UCK2: variants seen among roughly 807,000 people sequenced by gnomAD.
The protein encoded by UCK2 is uridine-cytidine kinase 2, also known as cytidine monophosphokinase 2.
A neutral mutation model predicts 30.8 loss-of-function variants in UCK2; 6 were observed. That is an observed-to-expected ratio of 0.19 (90% CI 0.11 to 0.38). The LOEUF (loss-of-function observed/expected upper bound fraction) is 0.38. Ranked by LOEUF, UCK2 falls within the 10% of genes least tolerant of loss-of-function variation. The pLI is 1.00. For missense variants in UCK2, 210 were observed against 339.8 expected, an observed-to-expected ratio of 0.62 and a Z score of 3.00; for synonymous variants, 125 against 133.6, an observed-to-expected ratio of 0.94 and a Z score of 0.45.
intron 1 of UCK2, among the ~76,000 whole-genome samples, chr1:165,848,656 A>C (rs533333095): frequency 7.3e-5 from 11 of 151,154 alleles, no homozygotes; most frequent in African/African-American, 2.7e-4. Context: ...ACACACACAC[A>C]CACCCACACA....
At chr1:165,896,681 C>T (rs1647270660) in intron 4 of UCK2, among the ~76,000 whole-genome samples, 1 of 152,194 alleles carries the variant, frequency 6.6e-6, no homozygotes, top group Non-Finnish European at 1.5e-5. Context: ...AATGAAGATG[C>T]TCTGATTTGG....
In UCK2 at chr1:165,874,153, G is replaced by A. The variant is rs572764486; in HGVS notation, c.100-16051G>A. ...TTATTTTAAAAACAAAAGAGACAGG[G>A]GTAGATGGGAACTTGATGCTGCCCT... On this transcript the variant is annotated intron_variant, in intron 1 of 6. Transcript: ENST00000367879. 6.6e-5 allele frequency among the ~76,000 whole-genome samples: 10 copies of A among 152,222 alleles called. No homozygotes were observed. In the South Asian group the frequency reaches 1.5e-3, roughly 22 times the overall value.
intron 4 of UCK2, among the ~76,000 whole-genome samples, chr1:165,901,796 C>A (rs1647475908): frequency 6.6e-6 from 1 of 152,082 alleles, no homozygotes; most frequent in Non-Finnish European, 1.5e-5. Context: ...GGTGATCAGT[C>A]TTCTTTCTAT....
intron 1 of UCK2, among the ~76,000 whole-genome samples, chr1:165,860,988 T>C (rs890723139): frequency 3.3e-5 from 5 of 152,054 alleles, no homozygotes; most frequent in Non-Finnish European, 7.4e-5. Context: ...TTAGACTGGG[T>C]AATTTATAAA....
chr1:165,876,469 A>G (rs1655339898), intron 1 of UCK2, among the ~76,000 whole-genome samples: 1 of 152,238 alleles, frequency 6.6e-6, no homozygotes, highest in African/African-American at 2.4e-5. Flanking sequence ...AGAAAACACC[A>G]GGAAAAATTC....
intron 1 of UCK2, among the ~76,000 whole-genome samples, chr1:165,848,660 CCACA>C (rs71583906): frequency 1.4e-5 from 2 of 147,888 alleles, no homozygotes; most frequent in African/African-American, 5.0e-5. Context: ...ACACACACAC[CCACA>C]CACACACACA....
At chr1:165,838,113 C>T in intron 1 of UCK2, among the ~76,000 whole-genome samples, 1 of 152,228 alleles carries the variant, frequency 6.6e-6, no homozygotes. Context: ...GCCTTCACAA[C>T]ATATCTGCAG....
rs149512076 is a variant in UCK2 at position 165,878,716 on chromosome 1, C to G, written c.100-11488C>G. The stretch of plus-strand genomic sequence containing the variant: ...GTACCACAGTTTATTCATTCACCTA[C>G]TTTAGTACATCTTGGTTGCTTGCTT... On this transcript the variant is annotated intron_variant, in intron 1 of 6. Coordinates refer to ENST00000367879, the MANE Select transcript of UCK2 (RefSeq NM_012474.5). Among the ~76,000 whole-genome samples the G allele has an allele frequency of 1.8e-3, 274 of 152,328 alleles. 1 individual carries two copies. The highest frequency in any genetic ancestry group is 6.3e-3 in the African/African-American group (262 of 41,566).
chr1:165,861,061 A>AT (rs1265538963), intron 1 of UCK2, among the ~76,000 whole-genome samples: 2 of 152,156 alleles, frequency 1.3e-5, no homozygotes, highest in Non-Finnish European at 2.9e-5. Context: ...GCACCAGTAG[A>AT]TTCAGTGTCT....
chr1:165,836,020 G>A (rs1056025751), intron 1 of UCK2, among the ~76,000 whole-genome samples: 18 of 152,186 alleles, frequency 1.2e-4, no homozygotes, highest in Non-Finnish European at 2.5e-4. Context: ...CCTAAGGTCA[G>A]GAGTTCAAGA....
At chr1:165,903,337 A>G in intron 5 of UCK2, 58 bp downstream of exon 5, 1 of 1,513,228 alleles carries the variant, frequency 6.6e-7, no homozygotes, top group Non-Finnish European at 9.1e-7. Flanking sequence ...TTGATGATAT[A>G]AACGAAGGTG....
intron 5 of UCK2, among the ~76,000 whole-genome samples, chr1:165,905,658 T>C (rs1478579508): frequency 6.6e-6 from 1 of 152,172 alleles, no homozygotes; most frequent in East Asian, 1.9e-4. Flanking sequence ...CTTCAATCCT[T>C]CTTTCTCATT....
Position 165,902,277 on chromosome 1 carries a change from G to A in UCK2, c.500-905G>A, listed in dbSNP as rs188818098. On this transcript the variant is annotated intron_variant, in intron 4 of 6. Transcript: ENST00000367879. The stretch of plus-strand genomic sequence containing the variant: ...CAAAAAATTAGTCCATTGAGGTGGT[G>A]TGTGCCTGTAGTCCCAGCTACTTGG... Among the ~76,000 whole-genome samples, 437 of 152,154 alleles carry A rather than the reference G, an allele frequency of 2.9e-3. 4 individuals are homozygous for A. The highest frequency in any genetic ancestry group is 4.9e-3 in the Non-Finnish European group (331 of 67,988).
chr1:165,865,714 A>G (rs1655029456), intron 1 of UCK2, among the ~76,000 whole-genome samples: 1 of 152,186 alleles, frequency 6.6e-6, no homozygotes, highest in African/African-American at 2.4e-5. Flanking sequence ...GAGGTCTGAA[A>G]TGAACATGCC....
chr1:165,842,216 C>CT (rs1654347049), intron 1 of UCK2, among the ~76,000 whole-genome samples: 1 of 152,226 alleles, frequency 6.6e-6, no homozygotes, highest in South Asian at 2.1e-4. Context: ...CTGCCTATGG[C>CT]TGTGTCATGC....
Position 165,908,694 on chromosome 1 carries a change from G to C in UCK2, c.*871G>C, listed in dbSNP as rs1003454154. On this transcript the variant is annotated 3_prime_UTR_variant, in exon 7 of 7. Transcript: ENST00000367879. ...CCTGATAGAAGATGGGAAGGAGAGG[G>C]CAGAACTTTGCCTGCTGTCATATCT... 6.6e-6 allele frequency: 1 copy of C among 152,216 alleles called. No homozygotes were observed. Among genetic ancestry groups the C allele is most frequent in the African/African-American group, 2.4e-5 (1 of 41,422 alleles). The allele number at this position is 152,216 out of a possible 1,614,324, so 9.4% of individuals were successfully genotyped here.
chr1:165,861,523 G>A (rs967971351), intron 1 of UCK2, among the ~76,000 whole-genome samples: 29 of 145,740 alleles, frequency 2.0e-4, no homozygotes, highest in African/African-American at 7.4e-4. Flanking sequence ...AGCTACTTGG[G>A]AAGCTGAGGC....
intron 1 of UCK2, among the ~76,000 whole-genome samples, chr1:165,851,423 GC>G (rs1201742511): frequency 6.6e-5 from 10 of 151,956 alleles, no homozygotes; most frequent in Admixed American, 5.9e-4. Flanking sequence ...AGTGCCCTCA[GC>G]CCAACCTGAG....
chr1:165,829,072 T>A (rs943873949), intron 1 of UCK2, among the ~76,000 whole-genome samples: 4 of 151,990 alleles, frequency 2.6e-5, no homozygotes, highest in Non-Finnish European at 5.9e-5. Flanking sequence ...CCCTCCTCCA[T>A]GTTGGTTTTA....
Sources: allele counts gnomAD v4.1 joint callset (sites outside exome capture counted in the v4.1 genomes callset), GRCh38; gene constraint gnomAD v4.1.1; transcripts MANE v1.5; gene names NCBI Gene and HGNC (gene_info 2026-07-23, HGNC 2026-07-21).